VRK2: variants seen among roughly 807,000 people sequenced by gnomAD.
VRK2 encodes VRK serine/threonine kinase 2, also known as serine/threonine-protein kinase VRK2.
VRK2 carries 60 observed loss-of-function variants against 57.6 expected under a neutral mutation model. That is an observed-to-expected ratio of 1.04 (90% CI 0.85 to 1.29). The LOEUF is 1.29. Among genes scored for constraint, VRK2 ranks in the 50% most tolerant of loss-of-function variants. The pLI, the probability that VRK2 is intolerant of heterozygous loss-of-function variation, is 0.00. For missense variants in VRK2, 705 were observed against 588.1 expected (o/e 1.20, Z -2.06); for synonymous variants, 231 against 199.2 (o/e 1.16, Z -1.35).
At chr2:57,909,354 G>T (rs931387385) in intron 1 of VRK2, among the ~76,000 whole-genome samples, 2 of 152,114 alleles carry the variant, frequency 1.3e-5, no homozygotes, top group African/African-American at 4.8e-5. Flanking sequence ...AAGATCATCA[G>T]GGTCATAGCA....
At chr2:58,112,507 G>T (rs939091296) in intron 7 of VRK2, among the ~76,000 whole-genome samples, 2 of 151,824 alleles carry the variant, frequency 1.3e-5, no homozygotes, top group South Asian at 4.2e-4. Flanking sequence ...GTCTGTAGGG[G>T]TGGATAGAAA....
intron 12 of VRK2, among the ~76,000 whole-genome samples, chr2:58,158,954 T>TAAAG (rs930815738): frequency 6.6e-6 from 1 of 152,084 alleles, no homozygotes; most frequent in Non-Finnish European, 1.5e-5. Context: ...AATCAGAAGG[T>TAAAG]AAAGAAAGAA....
At chr2:58,093,677 C>T (rs1243546158) in intron 7 of VRK2, among the ~76,000 whole-genome samples, 1 of 152,098 alleles carries the variant, frequency 6.6e-6, no homozygotes, top group African/African-American at 2.4e-5. Context: ...AATTAGATCC[C>T]ATTTGTCAAT....
intron 1 of VRK2, among the ~76,000 whole-genome samples, chr2:57,914,558 C>A (rs1670087703): frequency 6.6e-6 from 1 of 152,018 alleles, no homozygotes; most frequent in Non-Finnish European, 1.5e-5. Flanking sequence ...TAGTATCATC[C>A]TGGTGCCTCA....
chr2:58,157,543 AG>A (rs1470995592), intron 12 of VRK2, among the ~76,000 whole-genome samples: 10 of 152,154 alleles, frequency 6.6e-5, no homozygotes, highest in African/African-American at 2.4e-4. Context: ...CTATCACAGT[AG>A]ATTATTGCAT....
At chr2:58,086,625 T>A (rs983335747) in intron 5 of VRK2, among the ~76,000 whole-genome samples, 199 bp downstream of exon 5, 9 of 152,190 alleles carry the variant, frequency 5.9e-5, no homozygotes, top group African/African-American at 1.9e-4. Flanking sequence ...AATAAGGATA[T>A]GTAGTCAGCT....
At chr2:57,998,410 C>A (rs1230641122) in intron 1 of VRK2, among the ~76,000 whole-genome samples, 1 of 152,118 alleles carries the variant, frequency 6.6e-6, no homozygotes, top group Non-Finnish European at 1.5e-5. Flanking sequence ...TGTATTTTCA[C>A]ATATATTCTC....
intron 2 of VRK2, among the ~76,000 whole-genome samples, chr2:58,063,772 A>G (rs1280439575): frequency 6.6e-6 from 1 of 152,136 alleles, no homozygotes; most frequent in Non-Finnish European, 1.5e-5. Context: ...CAGCTGCCAT[A>G]GATAATGATT....
chr2:58,156,396 T>C (rs1683856191), intron 12 of VRK2, among the ~76,000 whole-genome samples: 1 of 152,316 alleles, frequency 6.6e-6, no homozygotes, highest in Admixed American at 6.5e-5. Flanking sequence ...TGGGTTGATA[T>C]TTGTCTTCAA....
At chr2:57,928,980 C>T (rs1670631190) in intron 1 of VRK2, among the ~76,000 whole-genome samples, 2 of 152,204 alleles carry the variant, frequency 1.3e-5, no homozygotes, top group East Asian at 1.9e-4. Context: ...TGGCCACCAA[C>T]ACTGGGACTG....
chr2:58,079,190 C>A (rs916611845), intron 2 of VRK2, among the ~76,000 whole-genome samples: 1 of 152,052 alleles, frequency 6.6e-6, no homozygotes, highest in Non-Finnish European at 1.5e-5. Context: ...TTTTGCTTCT[C>A]CCAGTACTAT....
Position 58,090,904 on chromosome 2 carries a change from A to C in VRK2, c.543+1181A>C, listed in dbSNP as rs142343737. ...AAATGAACTTTTCAGCCATGAAAAAACATGGAAGAAACCTAAATGTATTTT... is the reference window on the plus strand; with the variant it reads ...AAATGAACTTTTCAGCCATGAAAAACCATGGAAGAAACCTAAATGTATTTT... On this transcript the variant is annotated intron_variant, in intron 7 of 12. Transcript: ENST00000340157. Among the ~76,000 whole-genome samples the C allele has an allele frequency of 4.2e-3, 633 of 152,330 alleles. 2 individuals are homozygous for C. The highest frequency in any genetic ancestry group is 0.034 in the Middle Eastern group (10 of 294).
upstream of VRK2, among the ~76,000 whole-genome samples, chr2:58,042,639 A>C (rs1458188906): frequency 1.3e-5 from 2 of 152,124 alleles, no homozygotes; most frequent in African/African-American, 4.8e-5. Context: ...TTTTCTTTTT[A>C]ACCAGTGTAA....
At chr2:58,038,998 A>G (rs1421151732) in intron 3 of VRK2, among the ~76,000 whole-genome samples, 1 of 152,212 alleles carries the variant, frequency 6.6e-6, no homozygotes, top group African/African-American at 2.4e-5. Context: ...ATGGAATATT[A>G]GAAGACATGT....
chr2:58,083,641 G>A (rs1171671355), intron 2 of VRK2, among the ~76,000 whole-genome samples: 1 of 151,614 alleles, frequency 6.6e-6, no homozygotes, highest in Admixed American at 6.6e-5. Flanking sequence ...AAATTGAATC[G>A]ATTTTTATTT....
intron 7 of VRK2, among the ~76,000 whole-genome samples, chr2:58,119,718 C>A (rs1444512161): frequency 6.6e-6 from 1 of 151,154 alleles, no homozygotes; most frequent in Admixed American, 6.6e-5. Context: ...ACAAAACTTC[C>A]ATGAGAATCT....
intron 1 of VRK2, among the ~76,000 whole-genome samples, chr2:57,967,836 G>A (rs967297261): frequency 6.6e-5 from 10 of 151,940 alleles, no homozygotes; most frequent in African/African-American, 2.4e-4. Flanking sequence ...AATTAAAAGG[G>A]AATTAGAAAA....
chr2:58,135,341 A>T, intron 10 of VRK2, 142 bp downstream of exon 10: 1 of 779,066 alleles, frequency 1.3e-6, no homozygotes, highest in Non-Finnish European at 2.1e-6. Context: ...GTTGCAAATA[A>T]GTTGCTAAAG....
At chr2:58,112,833 G>A (rs1675777017) in intron 7 of VRK2, among the ~76,000 whole-genome samples, 1 of 152,156 alleles carries the variant, frequency 6.6e-6, no homozygotes, top group African/African-American at 2.4e-5. Context: ...AAGCTGAAGG[G>A]TGGAACTTCA....
Sources: allele counts gnomAD v4.1 joint callset (sites outside exome capture counted in the v4.1 genomes callset), GRCh38; gene constraint gnomAD v4.1.1; transcripts MANE v1.5; gene names NCBI Gene and HGNC (gene_info 2026-07-23, HGNC 2026-07-21).